The following ZNF609 variants were observed in gnomAD, a reference collection of about 807,000 sequenced individuals.
The protein encoded by ZNF609 is zinc finger protein 609.
In ZNF609, 11 loss-of-function variants were observed where a neutral mutation model predicts 109.5. The observed-to-expected ratio is 0.10, with a 90% CI of 0.06 to 0.17. The LOEUF (loss-of-function observed/expected upper bound fraction) is 0.17. Among genes scored for constraint, ZNF609 ranks in the 10% least tolerant of loss-of-function variants. ZNF609 has a pLI of 1.00. For missense variants in ZNF609, 1,559 were observed against 1,772.4 expected, an observed-to-expected ratio of 0.88 and a Z score of 2.16; for synonymous variants, 646 against 662.0, an observed-to-expected ratio of 0.98 and a Z score of 0.37.
chr15:64,469,766 C>T (rs145826880), intron 1 of ZNF609, among the ~76,000 whole-genome samples: 3 of 152,022 alleles, frequency 2.0e-5, no homozygotes, highest in East Asian at 1.9e-4. Flanking sequence ...TGGTGGCTCA[C>T]GCCTGTAATC....
chr15:64,641,382 T>C (rs1896255245), intron 3 of ZNF609, among the ~76,000 whole-genome samples: 1 of 151,274 alleles, frequency 6.6e-6, no homozygotes, highest in African/African-American at 2.4e-5. Context: ...CACGCCCGGC[T>C]AATTTTGTAT....
chr15:64,471,148 G>C (rs942105950), intron 1 of ZNF609, among the ~76,000 whole-genome samples: 20 of 152,064 alleles, frequency 1.3e-4, no homozygotes, highest in African/African-American at 4.8e-4. Context: ...GATCAGTTGA[G>C]GCCAGGAAGA....
chr15:64,562,085 A>T (rs1288751299), intron 2 of ZNF609, among the ~76,000 whole-genome samples: 1 of 152,208 alleles, frequency 6.6e-6, no homozygotes, highest in Non-Finnish European at 1.5e-5. Context: ...CCAAACTTCA[A>T]AACTAGTAGA....
chr15:64,545,715 A>G (rs1232429254), intron 2 of ZNF609, among the ~76,000 whole-genome samples: 2 of 152,076 alleles, frequency 1.3e-5, no homozygotes, highest in Non-Finnish European at 2.9e-5. Flanking sequence ...TCTTACTTCC[A>G]TCATTAGTTT....
chr15:64,660,186 A>T (rs1896553492), intron 3 of ZNF609, among the ~76,000 whole-genome samples: 2 of 152,152 alleles, frequency 1.3e-5, no homozygotes. Flanking sequence ...GCCTTAGACA[A>T]GCTGCTTTTT....
intron 2 of ZNF609, among the ~76,000 whole-genome samples, chr15:64,536,112 C>G (rs1377931039): frequency 6.6e-6 from 1 of 152,112 alleles, no homozygotes; most frequent in African/African-American, 2.4e-5. Context: ...CTTTGAACTC[C>G]TCAGCTCAAG....
chr15:64,543,775 A>G (rs1894311265), intron 2 of ZNF609, among the ~76,000 whole-genome samples: 2 of 152,154 alleles, frequency 1.3e-5, no homozygotes, highest in African/African-American at 2.4e-5. Flanking sequence ...AACTAGTTCT[A>G]TTTTAAGAAG....
intron 2 of ZNF609, among the ~76,000 whole-genome samples, chr15:64,536,916 GAAAAAAAA>G (rs60594462): frequency 3.6e-5 from 2 of 55,400 alleles, no homozygotes; most frequent in East Asian, 9.3e-4. Context: ...TCTCAAAAAA[GAAAAAAAA>G]AAAAAAAAAA....
intron 2 of ZNF609, among the ~76,000 whole-genome samples, chr15:64,548,929 A>G (rs907282987): frequency 3.9e-5 from 6 of 152,208 alleles, no homozygotes; most frequent in African/African-American, 1.4e-4. Flanking sequence ...TCTTCTGTTC[A>G]TGTAGTGGTA....
chr15:64,587,985 C>A (rs1300193403), intron 2 of ZNF609, among the ~76,000 whole-genome samples: 1 of 151,580 alleles, frequency 6.6e-6, no homozygotes, highest in Non-Finnish European at 1.5e-5. Context: ...GGTGATCTGC[C>A]CGCCTCAGCC....
At chr15:64,606,456 A>T (rs184446472) in intron 2 of ZNF609, among the ~76,000 whole-genome samples, 1 of 147,444 alleles carries the variant, frequency 6.8e-6, no homozygotes, top group African/African-American at 2.5e-5. Context: ...GCTACTTGGG[A>T]GGCTGAGGCA....
In ZNF609 at chr15:64,675,842, C is replaced by T. The variant is rs1273359604; in HGVS notation, c.2988C>T (p.Ser996=). Reference sequence around the variant, plus strand: ...AGAGTTACCACACCCACCTTCTGAGCACTAACACGGCTTACCGGCAGCAGT... The same window carrying T: ...AGAGTTACCACACCCACCTTCTGAGTACTAACACGGCTTACCGGCAGCAGT... ...SDQSYHTHLL[S]TNTAYRQQYE... is the part of the protein sequence containing the mutation. The change falls in exon 5 of 10, where the codon AGC becomes AGT. Residue 996 remains serine, a synonymous_variant. Transcript: ENST00000326648. The T allele has an allele frequency of 6.2e-7, 1 of 1,614,194 alleles. No homozygotes were observed. The highest frequency in any genetic ancestry group is 8.5e-7 in the Non-Finnish European group (1 of 1,180,038).
intron 3 of ZNF609, among the ~76,000 whole-genome samples, chr15:64,665,506 C>T (rs1169905760): frequency 6.6e-6 from 1 of 152,202 alleles, no homozygotes; most frequent in African/African-American, 2.4e-5. Context: ...AATCCCAGCT[C>T]TTTAGGAAAC....
At chr15:64,492,108 T>G (rs1336692712) in intron 1 of ZNF609, among the ~76,000 whole-genome samples, 1 of 150,976 alleles carries the variant, frequency 6.6e-6, no homozygotes, top group Non-Finnish European at 1.5e-5. Flanking sequence ...CCAGGAGTGG[T>G]GGCACATGCC....
intron 2 of ZNF609, among the ~76,000 whole-genome samples, chr15:64,583,717 C>G (rs927534288): frequency 4.6e-5 from 7 of 152,158 alleles, no homozygotes; most frequent in South Asian, 2.1e-4. Flanking sequence ...AATGTTCAGA[C>G]TTTTGCTAGA....
In ZNF609 at chr15:64,680,785, T is replaced by C. The variant is rs1331410696; in HGVS notation, c.4085T>C (p.Leu1362Pro). ...DRPRTSPSQRLMSTHHHHHHL... is the reference protein window; with the variant it reads ...DRPRTSPSQRPMSTHHHHHHL... ...CCCCGCACCTCTCCTTCCCAGCGCC[T>C]GATGTCCACACACCACCACCACCAC... Residue 1362 changes from leucine (L) to proline (P), a missense_variant, in exon 8 of 10, where the codon CTG becomes CCG. This residue lies in a region of ZNF609 where 1,204 missense variants were observed against 1,314.1 expected (regional missense o/e 0.92). Transcript: ENST00000326648. 2 of 1,613,552 alleles carry C rather than the reference T, an allele frequency of 1.2e-6. No individual in the cohort carries two copies. Among genetic ancestry groups the C allele is most frequent in the Admixed American group, 3.3e-5 (2 of 59,984 alleles).
chr15:64,509,428 G>A (rs924479289), intron 2 of ZNF609, among the ~76,000 whole-genome samples: 16 of 152,324 alleles, frequency 1.1e-4, no homozygotes, highest in Non-Finnish European at 2.4e-4. Flanking sequence ...AGCTGTTGCT[G>A]ATGTTACTGT....
rs546622262 is a variant in ZNF609 at position 64,537,502 on chromosome 15, C to CAA, written c.747+37348_747+37349dup. Among the ~76,000 whole-genome samples, 9 of 84,572 alleles carry CAA rather than the reference C, an allele frequency of 1.1e-4. No individual in the cohort carries two copies. In the East Asian group the frequency reaches 1.3e-3, roughly 12 times the overall value. The allele number at this position is 84,572 out of a possible 152,430, so 55.5% of individuals were successfully genotyped here. A position where few individuals can be genotyped will look rare whatever the true frequency, so the allele number is the denominator to read the frequency against. On this transcript the variant is annotated intron_variant, in intron 2 of 9. Coordinates refer to ENST00000326648, the MANE Select transcript of ZNF609 (RefSeq NM_015042.2). ...GGGCAACAAGAGTGAAACTCTGTCTCAAAAAAAAAAAAAGAAAAAGAAAAA... is the reference window on the plus strand; with the variant it reads ...GGGCAACAAGAGTGAAACTCTGTCTCAAAAAAAAAAAAAAAGAAAAAGAAAAA...
intron 3 of ZNF609, among the ~76,000 whole-genome samples, chr15:64,649,706 A>AT (rs1358340373): frequency 6.6e-6 from 1 of 152,100 alleles, no homozygotes; most frequent in East Asian, 1.9e-4. Flanking sequence ...ATAAAGCATC[A>AT]TTTTTGCGGG....
Sources: gnomAD v4.1 joint callset for allele counts (sites outside exome capture counted in the v4.1 genomes callset) on GRCh38, gnomAD v4.1.1 for gene constraint, gnomAD v4.1.1 regional missense constraint, MANE v1.5 for transcripts, NCBI Gene and HGNC (gene_info 2026-07-23, HGNC 2026-07-21) for gene names.